The following TNK2 variants were observed in gnomAD, a reference collection of about 807,000 sequenced individuals.
The protein encoded by TNK2 is tyrosine kinase non receptor 2.
Under a neutral mutation model 101.8 loss-of-function variants are expected in TNK2, and 83 were observed. The observed-to-expected ratio is 0.82, with a 90% CI of 0.68 to 0.98. The LOEUF is 0.98. Ranked by LOEUF, TNK2 falls within the 50% of genes least tolerant of loss-of-function variation. The pLI is 0.00. For synonymous variants in TNK2, 804 were observed against 633.0 expected, an observed-to-expected ratio of 1.27 and a Z score of -4.06; for missense variants, 1,665 against 1,483.2, an observed-to-expected ratio of 1.12 and a Z score of -2.01.
chr3:195,895,142 C>T, intron 1 of TNK2: 1 of 1,143,844 alleles, frequency 8.7e-7, no homozygotes, highest in Non-Finnish European at 1.2e-6. Context: ...AGCAGACACT[C>T]TCACTCCTGA....
intron 10 of TNK2, chr3:195,870,444 A>G: frequency 7.4e-7 from 1 of 1,351,992 alleles, no homozygotes; most frequent in Non-Finnish European, 9.7e-7. Context: ...CAGGGACTCC[A>G]ACTACACCCT....
intron 9 of TNK2, among the ~76,000 whole-genome samples, chr3:195,873,455 G>T (rs1746882131): frequency 6.6e-6 from 1 of 151,852 alleles, no homozygotes; most frequent in Non-Finnish European, 1.5e-5. Flanking sequence ...GCAGTGTCTG[G>T]GCAGGCGGGG....
At chr3:195,897,341 C>G (rs1443768949) in intron 1 of TNK2, among the ~76,000 whole-genome samples, 1 of 152,220 alleles carries the variant, frequency 6.6e-6, no homozygotes, top group African/African-American at 2.4e-5. Context: ...GGGAGTGATT[C>G]AGACACACGC....
intron 1 of TNK2, among the ~76,000 whole-genome samples, chr3:195,891,441 T>C (rs575863687): frequency 6.6e-6 from 1 of 152,376 alleles, no homozygotes; most frequent in African/African-American, 2.4e-5. Context: ...CAACTGCACT[T>C]ACTATATGCG....
chr3:195,864,351 T>C (rs1483971374), intron 15 of TNK2, among the ~76,000 whole-genome samples, 164 bp from the exon 16 acceptor site: 1 of 152,068 alleles, frequency 6.6e-6, no homozygotes, highest in Non-Finnish European at 1.5e-5. Flanking sequence ...TGTACTTTAA[T>C]AAACTATGAG....
In TNK2 at chr3:195,896,314, G is replaced by C. The variant is rs530806134; in HGVS notation, c.-18-7708C>G. The stretch of plus-strand genomic sequence containing the variant: ...GCACCTTCCCTGGGTTGGGGCAGAG[G>C]AGAGACAGATGCTGTGACCTCTCCT... On this transcript the variant is annotated intron_variant, in intron 1 of 15. Coordinates refer to ENST00000672887, the MANE Select transcript of TNK2 (RefSeq NM_001382273.1). 5.6e-5 allele frequency: 18 copies of C among 322,706 alleles called. No homozygotes were observed. In the East Asian group the frequency reaches 2.2e-3, roughly 39 times the overall value. 20.0% of individuals were successfully genotyped at this position (322,706 alleles called of 1,614,324 possible).
Position 195,882,012 on chromosome 3 carries a change from C to A in TNK2, c.887+39G>T. On this transcript the variant is annotated intron_variant, in intron 6 of 15. Coordinates refer to ENST00000672887, the MANE Select transcript of TNK2 (RefSeq NM_001382273.1). The surrounding 1 kb of genome is among the most constrained non-coding windows in gnomAD (Gnocchi z 4.2). ...GCCCCAGAAGCTTTGAGGCCTGGGT[C>A]TGCAGGGACTCTGTGAGCTGGCAGC... is the stretch of plus-strand genomic sequence containing the variant. 1 of 1,584,268 alleles carries A rather than the reference C, an allele frequency of 6.3e-7. No homozygotes were observed.
rs80040883 is a variant in TNK2, at chr3:195,877,797, G to C, written c.1256+456C>G. Among the ~76,000 whole-genome samples, 728 of 151,924 alleles carry C rather than the reference G, an allele frequency of 4.8e-3. 13 individuals are homozygous for C. Among genetic ancestry groups the C allele is most frequent in the Admixed American group, 0.024 (373 of 15,256 alleles). ...CAGAGGCTGGAGGCAGGCCTGGGAG[G>C]GGGTGGTGGGCTCAGCAGGAAGGAT... On this transcript the variant is annotated intron_variant, in intron 9 of 15. Coordinates refer to ENST00000672887, the MANE Select transcript of TNK2 (RefSeq NM_001382273.1).
rs1447247241 is a variant in TNK2, at chr3:195,886,581, G to A, written c.234+396C>T. 1.3e-5 allele frequency among the ~76,000 whole-genome samples: 2 copies of A among 152,090 alleles called. No individual in the cohort carries two copies. The highest frequency in any genetic ancestry group is 1.9e-4 in the East Asian group (1 of 5,176). ...CCAGAGAAACCCAGAGATTAGAGAGGGTCAGGGAGGAGGGAAGCCAAGCAA... is the reference window on the plus strand; with the variant it reads ...CCAGAGAAACCCAGAGATTAGAGAGAGTCAGGGAGGAGGGAAGCCAAGCAA... On this transcript the variant is annotated intron_variant, in intron 3 of 15. Transcript: ENST00000672887. This position sits in a 1 kb window ranked among gnomAD's most constrained non-coding sequence, Gnocchi z 4.2.
intron 1 of TNK2, among the ~76,000 whole-genome samples, chr3:195,907,758 G>C (rs1419632273): frequency 6.6e-6 from 1 of 152,202 alleles, no homozygotes; most frequent in East Asian, 1.9e-4. Flanking sequence ...TGATACCACA[G>C]CGGCCCATCT....
chr3:195,877,942 C>T (rs1335514441), intron 9 of TNK2, among the ~76,000 whole-genome samples: 1 of 152,150 alleles, frequency 6.6e-6, no homozygotes, highest in African/African-American at 2.4e-5. Flanking sequence ...GAGGAGGAAG[C>T]ACGGGAGTCC....
intron 14 of TNK2, 52 bp from the exon 15 acceptor site, chr3:195,867,068 G>C: frequency 6.2e-7 from 1 of 1,609,876 alleles, no homozygotes; most frequent in Non-Finnish European, 8.5e-7. Flanking sequence ...ACCGACTAGG[G>C]TGGGGAAGAG....
chr3:195,866,208 A>AT (rs903861445), intron 15 of TNK2, among the ~76,000 whole-genome samples: 51 of 149,076 alleles, frequency 3.4e-4, no homozygotes, highest in South Asian at 4.2e-4. Flanking sequence ...TTTAGAGAAA[A>AT]TTTTTTTTTT....
At chr3:195,905,149 G>C (rs1041125303) in intron 1 of TNK2, among the ~76,000 whole-genome samples, 1 of 152,148 alleles carries the variant, frequency 6.6e-6, no homozygotes, top group Non-Finnish European at 1.5e-5. Context: ...CAGACAAATA[G>C]ATCAATGGAA....
At position 195,868,069 on chromosome 3, in the gene TNK2, A is replaced by C. The variant is rs770326870; in HGVS notation, c.2229T>G (p.Ser743=). The C allele has an allele frequency of 1.2e-5, 19 of 1,606,562 alleles. No individual in the cohort carries two copies. Among genetic ancestry groups the C allele is most frequent in the Non-Finnish European group, 1.6e-5 (19 of 1,178,134 alleles). The part of the protein sequence containing the change: ...LQAPAGSPAP[S]PSPGGDDKPQ... ...GCTTGTCGTCACCCCCCGGGCTGGG[A>C]GAGGGGGCCGGGGAGCCGGCCGGAG... is the stretch of plus-strand genomic sequence containing the variant. The change falls in exon 13 of 16, where the codon TCT becomes TCG. Residue 743 remains serine (S), a synonymous_variant. Transcript: ENST00000672887.
rs752427250 is a variant in TNK2 at position 195,867,764 on chromosome 3, G to A, written c.2534C>T (p.Pro845Leu). Residue 845 changes from proline (P) to leucine (L), a missense_variant, in exon 13 of 16, where the codon CCC (proline) becomes CTC (leucine). Pro to Leu is a moderately conservative substitution (Grantham distance 98, BLOSUM62 -3). Around this residue, in one of 3 missense-constraint regions of TNK2, gnomAD observed 1,136 missense variants for 894.9 expected, o/e 1.27. Transcript: ENST00000672887. ...CGGGCCAGGGGCCTGGATCACCTGG[G>A]GGGTGGCGTACTTGGGGTCTGAGGC... ...SFASDPKYAT[P>L]QVIQAPGPRA... The A allele has an allele frequency of 1.3e-5, 21 of 1,588,600 alleles. No individual in the cohort carries two copies. The highest frequency in any genetic ancestry group is 1.1e-5 in the South Asian group (1 of 88,264).
chr3:195,870,377 T>C, intron 10 of TNK2, 172 bp from the exon 11 acceptor site: 1 of 1,474,564 alleles, frequency 6.8e-7, no homozygotes, highest in Non-Finnish European at 9.1e-7. Context: ...CTGGGGGGTG[T>C]CCTGGAGAGA....
chr3:195,897,590 C>G (rs563614422), intron 1 of TNK2, among the ~76,000 whole-genome samples: 2 of 152,332 alleles, frequency 1.3e-5, no homozygotes, highest in East Asian at 3.9e-4. Flanking sequence ...CAACCTCTGC[C>G]TCGCAGGCTC....
chr3:195,875,571 C>G (rs543352090), intron 9 of TNK2, among the ~76,000 whole-genome samples: 1 of 152,172 alleles, frequency 6.6e-6, no homozygotes, highest in African/African-American at 2.4e-5. Context: ...CCACACGCAC[C>G]CGTGTGAGGC....
Sources: allele counts gnomAD v4.1 joint callset (sites outside exome capture counted in the v4.1 genomes callset), GRCh38; gene constraint gnomAD v4.1.1; regional missense constraint gnomAD v4.1.1; non-coding constraint Gnocchi (gnomAD v3.1); transcripts MANE v1.5; gene names NCBI Gene and HGNC (gene_info 2026-07-23, HGNC 2026-07-21).